The following SS18 variants were observed in gnomAD, a reference collection of about 807,000 sequenced individuals.
The protein encoded by SS18 is SS18 subunit of BAF chromatin remodeling complex, also known as protein SSXT.
A neutral mutation model predicts 72.5 loss-of-function variants in SS18; 28 were observed. That is an observed-to-expected ratio of 0.39 (90% CI 0.29 to 0.53). The LOEUF is 0.53. Among genes scored for constraint, SS18 ranks in the 20% least tolerant of loss-of-function variants. The pLI, the probability that SS18 is intolerant of heterozygous loss-of-function variation, is 0.76. For synonymous variants in SS18, 172 were observed against 164.2 expected (o/e 1.05, Z -0.37); for missense variants, 518 against 535.3 (o/e 0.97, Z 0.32).
intron 3 of SS18, among the ~76,000 whole-genome samples, chr18:26,059,684 CTTTAATAGA>C (rs1323454893): frequency 1.3e-5 from 2 of 152,164 alleles, no homozygotes; most frequent in Non-Finnish European, 2.9e-5. Context: ...TATAACCAAC[CTTTAATAGA>C]TTCAAGGTAA....
intron 4 of SS18, among the ~76,000 whole-genome samples, chr18:26,055,420 T>C (rs2054000280): frequency 6.6e-6 from 1 of 151,982 alleles, no homozygotes; most frequent in East Asian, 2.0e-4. Context: ...TGAGCCGAGA[T>C]TGTGCCACTG....
intron 5 of SS18, among the ~76,000 whole-genome samples, chr18:26,047,607 C>T (rs902677633): frequency 2.0e-5 from 3 of 151,892 alleles, no homozygotes; most frequent in Admixed American, 6.6e-5. Flanking sequence ...TTTGGGAGGC[C>T]AAGGCGGGCA....
At chr18:26,066,443 C>G (rs1271627529) in intron 3 of SS18, among the ~76,000 whole-genome samples, 1 of 152,118 alleles carries the variant, frequency 6.6e-6, no homozygotes, top group African/African-American at 2.4e-5. Flanking sequence ...CACCCTCAAG[C>G]CGCCTTATCC....
At chr18:26,090,939 G>T (rs548723776), upstream of SS18, 3 of 312,124 alleles carry the variant, frequency 9.6e-6, no homozygotes, top group East Asian at 7.5e-5. Flanking sequence ...GGCTGGGGCA[G>T]CCCCTGTCAC....
In SS18 at chr18:26,035,753, A is replaced by G. The variant is rs1380325407; in HGVS notation, c.973+78T>C. ...TATTCTACAAGAGCTTTGCATGGGT[A>G]GAAGTTGTCTTATGCAAGAATTTTC... On this transcript the variant is annotated intron_variant, in intron 8 of 10. Transcript: ENST00000415083. The surrounding 1 kb of genome is among the most constrained non-coding windows in gnomAD (Gnocchi z 4.4). 4.1e-6 allele frequency: 4 copies of G among 964,416 alleles called. No homozygotes were observed. The highest frequency in any genetic ancestry group is 3.1e-6 in the Non-Finnish European group (2 of 654,840). The allele number at this position is 964,416 out of a possible 1,614,324, so 59.7% of individuals were successfully genotyped here. A position where few individuals can be genotyped will look rare whatever the true frequency, so the allele number is the denominator to read the frequency against.
At chr18:26,060,845 A>G (rs372156938) in intron 3 of SS18, among the ~76,000 whole-genome samples, 59 of 145,700 alleles carry the variant, frequency 4.0e-4, no homozygotes, top group African/African-American at 1.5e-3. Context: ...AGTCCCTGAT[A>G]CTTGGGAGGC....
Position 26,030,626 on chromosome 18 carries a change from T to C in SS18, c.1230+1773A>G, listed in dbSNP as rs557431230. Among the ~76,000 whole-genome samples, 8 of 152,274 alleles carry C rather than the reference T, an allele frequency of 5.3e-5. No individual in the cohort carries two copies. The South Asian group carries it at 1.2e-3, about 24-fold the overall frequency. On this transcript the variant is annotated intron_variant, in intron 10 of 10. Transcript: ENST00000415083. ...GAAGTTTAGGAGATTTGGAAATATA[T>C]TGACTTAGAAAGGAAAATGATCAGT...
chr18:26,036,025 G>A, intron 7 of SS18, 102 bp from the exon 8 acceptor site: 1 of 762,192 alleles, frequency 1.3e-6, no homozygotes, highest in Admixed American at 2.9e-5. Flanking sequence ...AAAAGAAAAA[G>A]AAATGGAACA....
At chr18:26,073,754 A>C (rs2054358655) in intron 3 of SS18, among the ~76,000 whole-genome samples, 1 of 152,228 alleles carries the variant, frequency 6.6e-6, no homozygotes, top group Non-Finnish European at 1.5e-5. Context: ...TTCAGTGACA[A>C]AATGGGAAAA....
intron 5 of SS18, among the ~76,000 whole-genome samples, chr18:26,047,999 C>T (rs753181313): frequency 6.6e-6 from 1 of 152,162 alleles, no homozygotes; most frequent in Non-Finnish European, 1.5e-5. Context: ...CATGAACAGG[C>T]AATTCATAGA....
At chr18:26,080,750 TACC>T (rs2054503414) in intron 2 of SS18, among the ~76,000 whole-genome samples, 2 of 152,184 alleles carry the variant, frequency 1.3e-5, no homozygotes, top group Non-Finnish European at 2.9e-5. Flanking sequence ...ATTAGTATTT[TACC>T]ACATTTTTCC....
intron 10 of SS18, among the ~76,000 whole-genome samples, chr18:26,030,606 T>A (rs910597335): frequency 2.0e-5 from 3 of 152,118 alleles, no homozygotes; most frequent in African/African-American, 7.2e-5. Context: ...GGCTTGAAGT[T>A]TAGGAGATTT....
At chr18:26,060,863 C>G (rs576545222) in intron 3 of SS18, among the ~76,000 whole-genome samples, 1 of 133,060 alleles carries the variant, frequency 7.5e-6, no homozygotes, top group Non-Finnish European at 1.6e-5. Context: ...GGCTGAGAAA[C>G]GAGAATCGCT....
chr18:26,062,791 C>T (rs868257905), intron 3 of SS18, among the ~76,000 whole-genome samples: 1 of 152,090 alleles, frequency 6.6e-6, no homozygotes, highest in African/African-American at 2.4e-5. Context: ...AACAGAGATG[C>T]TTTATTACGA....
At chr18:26,084,847 C>T (rs568923489) in intron 2 of SS18, among the ~76,000 whole-genome samples, 1 of 152,228 alleles carries the variant, frequency 6.6e-6, no homozygotes, top group East Asian at 1.9e-4. Flanking sequence ...GTACTGGACC[C>T]TGGACCAGAA....
chr18:26,057,391 T>A (rs188606741), intron 4 of SS18, among the ~76,000 whole-genome samples, 198 bp downstream of exon 4: 23 of 152,298 alleles, frequency 1.5e-4, no homozygotes, highest in Admixed American at 1.3e-3. Context: ...GTGTGTCAGC[T>A]ACATCAAAGC....
At chr18:26,045,758 G>C (rs753742023) in intron 5 of SS18, among the ~76,000 whole-genome samples, 8 of 151,846 alleles carry the variant, frequency 5.3e-5, no homozygotes, top group Non-Finnish European at 2.9e-5. Flanking sequence ...ATAATCAGTA[G>C]GGAAAAAAAT....
At chr18:26,055,403 G>A (rs1371388194) in intron 4 of SS18, among the ~76,000 whole-genome samples, 1 of 151,850 alleles carries the variant, frequency 6.6e-6, no homozygotes, top group Non-Finnish European at 1.5e-5. Flanking sequence ...GGAGGCAGAG[G>A]TTGCAGTGAG....
rs146599536 is a variant in SS18, at chr18:26,032,024, A to G, written c.1230+375T>C. 2.6e-3 allele frequency among the ~76,000 whole-genome samples: 393 copies of G among 152,314 alleles called. 3 individuals are homozygous for G. The highest frequency in any genetic ancestry group is 8.7e-3 in the African/African-American group (363 of 41,568). On this transcript the variant is annotated intron_variant, in intron 10 of 10. Transcript: ENST00000415083. ...GGATCACGGAGGGGGAACCAAATGA[A>G]TTTATTAACGTTGAACTGTATGTAC...
Sources: allele counts gnomAD v4.1 joint callset (sites outside exome capture counted in the v4.1 genomes callset), GRCh38; gene constraint gnomAD v4.1.1; non-coding constraint Gnocchi (gnomAD v3.1); transcripts MANE v1.5; gene names NCBI Gene and HGNC (gene_info 2026-07-23, HGNC 2026-07-21).